CDH2: variants seen among roughly 807,000 people sequenced by gnomAD.
CDH2 encodes cadherin 2, also known as cadherin-2.
Under a neutral mutation model 92.0 loss-of-function variants are expected in CDH2, and 17 were observed. The ratio of observed to expected loss-of-function variants is 0.18; its 90% CI spans 0.13 to 0.28. The LOEUF (loss-of-function observed/expected upper bound fraction) is 0.28. Among genes scored for constraint, CDH2 ranks in the 10% least tolerant of loss-of-function variants. The pLI is 1.00. For synonymous variants in CDH2, 419 were observed against 415.9 expected, an observed-to-expected ratio of 1.01 and a Z score of -0.09; for missense variants, 862 against 1,133.1, an observed-to-expected ratio of 0.76 and a Z score of 3.44.
intron 2 of CDH2, among the ~76,000 whole-genome samples, chr18:28,102,400 GGT>G (rs2015241842): frequency 6.6e-6 from 1 of 151,944 alleles, no homozygotes; most frequent in African/African-American, 2.4e-5. Flanking sequence ...GAAATGTTCT[GGT>G]GTTTTTTAAC....
chr18:28,076,834 T>C (rs183465754), intron 2 of CDH2, among the ~76,000 whole-genome samples: 43 of 152,176 alleles, frequency 2.8e-4, no homozygotes, highest in Middle Eastern at 3.4e-3. Context: ...GTGGATTAAT[T>C]TATCAGATCT....
At chr18:28,124,668 C>A (rs2015647647) in intron 2 of CDH2, among the ~76,000 whole-genome samples, 1 of 152,158 alleles carries the variant, frequency 6.6e-6, no homozygotes, top group African/African-American at 2.4e-5. Context: ...TATTCAACCA[C>A]TGCATTAATT....
chr18:28,025,408 C>T (rs979801003), intron 2 of CDH2, among the ~76,000 whole-genome samples: 1 of 151,798 alleles, frequency 6.6e-6, no homozygotes, highest in Non-Finnish European at 1.5e-5. Flanking sequence ...GTCCCAGCTA[C>T]TCAGGAGGCT....
chr18:28,006,521 C>G (rs909089663), intron 5 of CDH2, among the ~76,000 whole-genome samples: 2 of 151,514 alleles, frequency 1.3e-5, no homozygotes, highest in Non-Finnish European at 2.9e-5. Flanking sequence ...AGTTTGAGAC[C>G]AGCCTGGCCA....
intron 1 of CDH2, among the ~76,000 whole-genome samples, chr18:28,149,518 A>T (rs1163541382): frequency 1.3e-5 from 2 of 152,240 alleles, no homozygotes; most frequent in African/African-American, 4.8e-5. Flanking sequence ...TCCCAAATTC[A>T]GACTGAAGAC....
At chr18:28,117,287 G>A (rs2015510720) in intron 2 of CDH2, among the ~76,000 whole-genome samples, 1 of 152,108 alleles carries the variant, frequency 6.6e-6, no homozygotes, top group Non-Finnish European at 1.5e-5. Flanking sequence ...ACATGTGATT[G>A]CAGGGGAATA....
chr18:28,137,397 G>C (rs779544602), intron 2 of CDH2, among the ~76,000 whole-genome samples: 3 of 152,026 alleles, frequency 2.0e-5, no homozygotes, highest in African/African-American at 7.2e-5. Flanking sequence ...TCCATAAAAA[G>C]ACCTTAATCC....
At chr18:28,054,792 C>CCCT (rs1285257439) in intron 2 of CDH2, among the ~76,000 whole-genome samples, 7 of 152,248 alleles carry the variant, frequency 4.6e-5, no homozygotes, top group Admixed American at 2.0e-4. Context: ...TGACTGAAAT[C>CCCT]CCTCCTCTCA....
At chr18:28,068,737 A>C (rs2014560311) in intron 2 of CDH2, among the ~76,000 whole-genome samples, 1 of 152,224 alleles carries the variant, frequency 6.6e-6, no homozygotes, top group South Asian at 2.1e-4. Context: ...GAAGGTTGAC[A>C]TGAAATCCCT....
At chr18:28,033,892 A>G (rs144191668) in intron 2 of CDH2, among the ~76,000 whole-genome samples, 30 of 152,122 alleles carry the variant, frequency 2.0e-4, no homozygotes, top group African/African-American at 7.0e-4. Context: ...AAAAGATACT[A>G]AAAAAATGCT....
intron 2 of CDH2, among the ~76,000 whole-genome samples, chr18:28,048,891 C>A (rs752810685): frequency 7.2e-5 from 11 of 151,944 alleles, no homozygotes; most frequent in Admixed American, 6.6e-5. Context: ...CCCACTTCTG[C>A]ATGAAAAAAG....
chr18:28,152,322 A>C (rs1007576890), intron 1 of CDH2, among the ~76,000 whole-genome samples: 2 of 152,224 alleles, frequency 1.3e-5, no homozygotes, highest in African/African-American at 4.8e-5. Flanking sequence ...ACAATCTTTC[A>C]AGAAACATGT....
chr18:27,945,264 C>T (rs1014102090), intron 6 of CDH2, among the ~76,000 whole-genome samples: 22 of 148,736 alleles, frequency 1.5e-4, no homozygotes. Flanking sequence ...CTCTTGCTTT[C>T]TCCCCTCTGA....
At chr18:28,122,799 C>T (rs1441578054) in intron 2 of CDH2, among the ~76,000 whole-genome samples, 2 of 152,088 alleles carry the variant, frequency 1.3e-5, no homozygotes, top group African/African-American at 2.4e-5. Flanking sequence ...CACTTATTGC[C>T]TATGAGTATA....
At chr18:28,147,444 A>C (rs2016052748) in intron 2 of CDH2, among the ~76,000 whole-genome samples, 1 of 152,150 alleles carries the variant, frequency 6.6e-6, no homozygotes, top group Non-Finnish European at 1.5e-5. Flanking sequence ...TGTAAATTAA[A>C]AATGGAAGAA....
In CDH2 at chr18:28,133,976, T is replaced by G. The variant is rs1045469436; in HGVS notation, c.172+13697A>C. On this transcript the variant is annotated intron_variant, in intron 2 of 15. Coordinates refer to ENST00000269141, the MANE Select transcript of CDH2 (RefSeq NM_001792.5). ...CAGTTTGAGACCAGCCTGGGCAACA[T>G]AGCAAGACCTCATCTCTAAAACAAA... Among the ~76,000 whole-genome samples the G allele has an allele frequency of 5.3e-5, 8 of 151,828 alleles. No homozygotes were observed. In the East Asian group the frequency reaches 1.6e-3, roughly 30 times the overall value.
chr18:28,100,001 G>GC (rs769315486), intron 2 of CDH2, among the ~76,000 whole-genome samples: 9 of 151,960 alleles, frequency 5.9e-5, no homozygotes, highest in Non-Finnish European at 8.8e-5. Context: ...TCTATGATGA[G>GC]CATTCATCCA....
At chr18:28,007,165 A>AAAAATATATAT (rs1172779200) in intron 5 of CDH2, among the ~76,000 whole-genome samples, 32 of 110,460 alleles carry the variant, frequency 2.9e-4, no homozygotes, top group African/African-American at 1.4e-3. Context: ...ATAAAAAAAA[A>AAAAATATATAT]ATATATATAT....
At chr18:28,124,393 G>A (rs1379550919) in intron 2 of CDH2, among the ~76,000 whole-genome samples, 9 of 152,030 alleles carry the variant, frequency 5.9e-5, no homozygotes, top group Non-Finnish European at 1.2e-4. Context: ...TCAGAAAAAG[G>A]AAAACCACAC....
Sources: allele counts gnomAD v4.1 joint callset (sites outside exome capture counted in the v4.1 genomes callset), GRCh38; gene constraint gnomAD v4.1.1; transcripts MANE v1.5; gene names NCBI Gene and HGNC (gene_info 2026-07-23, HGNC 2026-07-21).